Variants in INPP5D observed in about 807,000 individuals in gnomAD.
The protein encoded by INPP5D is inositol polyphosphate-5-phosphatase D.
In INPP5D, 33 loss-of-function variants were observed where a neutral mutation model predicts 122.9. The ratio of observed to expected loss-of-function variants is 0.27; its 90% confidence interval spans 0.20 to 0.36. The LOEUF is 0.36. INPP5D is among the 10% of genes least tolerant of loss of function. The pLI is 1.00. For synonymous variants in INPP5D, 584 were observed against 576.2 expected (o/e 1.01, Z -0.19); for missense variants, 1,053 against 1,412.7 (o/e 0.75, Z 4.08).
chr2:233,185,246 G>A (rs574643665), intron 20 of INPP5D, among the ~76,000 whole-genome samples: 5 of 149,296 alleles, frequency 3.3e-5, no homozygotes, highest in Non-Finnish European at 7.4e-5. Context: ...AGGAAGAAGC[G>A]TGTGCTGCCA....
chr2:233,062,208 G>C (rs530449463), intron 1 of INPP5D, among the ~76,000 whole-genome samples: 84 of 152,350 alleles, frequency 5.5e-4, no homozygotes, highest in Non-Finnish European at 1.1e-3. Context: ...GTTTGGTGTT[G>C]GCTGAGCCGA....
At chr2:233,181,745 C>G (rs1247040008) in intron 18 of INPP5D, among the ~76,000 whole-genome samples, 1 of 152,166 alleles carries the variant, frequency 6.6e-6, no homozygotes, top group Non-Finnish European at 1.5e-5. Context: ...TCTCTCCCAC[C>G]GATGAGCTGA....
At chr2:233,086,279 A>G (rs920547726) in intron 2 of INPP5D, among the ~76,000 whole-genome samples, 1 of 151,754 alleles carries the variant, frequency 6.6e-6, no homozygotes, top group Non-Finnish European at 1.5e-5. Context: ...CCTGGGTTCA[A>G]GTGATTCTCC....
rs527815534 is a variant in INPP5D at position 233,183,517 on chromosome 2, G to T, written c.2162-891G>T. 7.9e-5 allele frequency among the ~76,000 whole-genome samples: 12 copies of T among 152,266 alleles called. No homozygotes were observed. The highest frequency in any genetic ancestry group is 1.8e-4 in the Non-Finnish European group (12 of 68,010). On this transcript the variant is annotated intron_variant, in intron 19 of 26. Transcript: ENST00000445964. The surrounding 1 kb of genome is among the most constrained non-coding windows in gnomAD (Gnocchi z 4.6). ...TAGAATCTTCCTAGTCCTTAGGCAG[G>T]ACCTCTTCCCCGACTTCCACCCATC... is the stretch of plus-strand genomic sequence containing the variant.
chr2:233,201,079 G>GTC (rs571404991), intron 25 of INPP5D, among the ~76,000 whole-genome samples: 9 of 152,060 alleles, frequency 5.9e-5, no homozygotes, highest in Non-Finnish European at 8.8e-5. Flanking sequence ...CAGCTCAGCT[G>GTC]TCTCTCTCTC....
intron 2 of INPP5D, among the ~76,000 whole-genome samples, chr2:233,110,926 TA>T (rs889669630): frequency 8.4e-5 from 11 of 131,368 alleles, no homozygotes; most frequent in African/African-American, 2.0e-4. Context: ...CTCCGTCTCT[TA>T]AAAAAAAAAC....
At position 233,170,968 on chromosome 2, in the gene INPP5D, C is replaced by A; in HGVS notation, c.1901-96C>A. ...GGAGCCTTTCCAGCCATCCTTTCGT[C>A]CCCTTTCCCCTGATTTCCTACCAGA... On this transcript the variant is annotated intron_variant, in intron 16 of 26. Coordinates refer to ENST00000445964, the MANE Select transcript of INPP5D (RefSeq NM_001017915.3). This position sits in a 1 kb window ranked among gnomAD's most constrained non-coding sequence, Gnocchi z 4.5. The A allele has an allele frequency of 6.6e-7, 1 of 1,521,962 alleles. No individual in the cohort carries two copies. Among genetic ancestry groups the A allele is most frequent in the Non-Finnish European group, 8.9e-7 (1 of 1,124,634 alleles). 94.3% of individuals were successfully genotyped at this position (1,521,962 alleles called of 1,614,324 possible).
intron 9 of INPP5D, among the ~76,000 whole-genome samples, chr2:233,150,781 G>A (rs186403261): frequency 7.7e-4 from 118 of 152,328 alleles, no homozygotes; most frequent in African/African-American, 2.6e-3. Flanking sequence ...TCCAGAGGGA[G>A]GTTAGTCCCG....
rs1043709063 is a variant in INPP5D, at chr2:233,189,432, G to T, written c.2359-418G>T. Among the ~76,000 whole-genome samples, 1 of 152,186 alleles carries T rather than the reference G, an allele frequency of 6.6e-6. No individual in the cohort carries two copies. The highest frequency in any genetic ancestry group is 1.5e-5 in the Non-Finnish European group (1 of 68,022). ...CAAGGAGAAATTCTGTGCTCTGTAG[G>T]GGGAGCCTGGCGCAGGGTGGAGTGC... is the stretch of plus-strand genomic sequence containing the variant. On this transcript the variant is annotated intron_variant, in intron 21 of 26. Coordinates refer to ENST00000445964, the MANE Select transcript of INPP5D (RefSeq NM_001017915.3). The surrounding 1 kb of genome is among the most constrained non-coding windows in gnomAD (Gnocchi z 5.6).
chr2:233,165,349 TGTGA>T (rs151003600), intron 13 of INPP5D, among the ~76,000 whole-genome samples: 5,273 of 151,682 alleles, frequency 0.035, 151 homozygotes, highest in East Asian at 0.11. Context: ...TATCTATGTG[TGTGA>T]GTGTCTGTAT....
intron 3 of INPP5D, among the ~76,000 whole-genome samples, chr2:233,124,916 C>T (rs947773496): frequency 6.6e-6 from 1 of 152,248 alleles, no homozygotes; most frequent in Non-Finnish European, 1.5e-5. Context: ...CTTGAGGCAC[C>T]GCCAGACCGT....
intron 23 of INPP5D, 54 bp downstream of exon 23, chr2:233,194,015 G>C: frequency 6.6e-7 from 1 of 1,507,712 alleles, no homozygotes; most frequent in Non-Finnish European, 8.9e-7. Context: ...TTAGGGACGG[G>C]AACGTGCTTT....
chr2:233,070,145 G>A lies in INPP5D; in HGVS notation c.135-9190G>A, dbSNP rs530537911. 3.3e-5 allele frequency among the ~76,000 whole-genome samples: 5 copies of A among 152,248 alleles called. No individual in the cohort carries two copies. The South Asian group carries it at 1.0e-3, about 32-fold the overall frequency. ...GTGAATGGTCTGTTCAATTCTCTTT[G>A]CCATTTTTCTATCGAAGCTATAGTT... On this transcript the variant is annotated intron_variant, in intron 1 of 26. Coordinates refer to ENST00000445964, the MANE Select transcript of INPP5D (RefSeq NM_001017915.3).
rs894578282 is a variant in INPP5D, at chr2:233,176,293, T to A, written c.1990-972T>A. On this transcript the variant is annotated intron_variant, in intron 17 of 26. Coordinates refer to ENST00000445964, the MANE Select transcript of INPP5D (RefSeq NM_001017915.3). ...AGTAGGTAGACGGGTGTGTGAACGG[T>A]CAATGGATGAGTGGATGGGTGCGAT... 9.0e-5 allele frequency among the ~76,000 whole-genome samples: 9 copies of A among 100,382 alleles called. No homozygotes were observed. In the East Asian group the frequency reaches 2.1e-3, roughly 24 times the overall value. The allele number at this position is 100,382 out of a possible 152,430, so 65.9% of individuals were successfully genotyped here.
At chr2:233,184,168 C>T (rs1336401420) in intron 19 of INPP5D, among the ~76,000 whole-genome samples, 1 of 152,154 alleles carries the variant, frequency 6.6e-6, no homozygotes, top group Non-Finnish European at 1.5e-5. Context: ...GAGGTCCGGA[C>T]TCCTGGGACT....
At chr2:233,149,415 A>G (rs1437450467) in intron 9 of INPP5D, among the ~76,000 whole-genome samples, 2 of 152,058 alleles carry the variant, frequency 1.3e-5, no homozygotes, top group Non-Finnish European at 2.9e-5. Flanking sequence ...TTTGTTCTTA[A>G]TAAAGTCGTA....
intron 17 of INPP5D, among the ~76,000 whole-genome samples, chr2:233,175,743 C>A (rs530490216): frequency 1.3e-5 from 2 of 149,940 alleles, no homozygotes; most frequent in African/African-American, 2.5e-5. Flanking sequence ...AGTGCAGTGG[C>A]GCAATCTCAG....
At chr2:233,161,889 T>A in intron 11 of INPP5D, 63 bp downstream of exon 11, 1 of 1,553,702 alleles carries the variant, frequency 6.4e-7, no homozygotes, top group East Asian at 2.4e-5. Context: ...GACTCAGGCA[T>A]CCTCAAGGTG....
chr2:233,118,395 C>G (rs1167608504), intron 2 of INPP5D, among the ~76,000 whole-genome samples: 1 of 152,208 alleles, frequency 6.6e-6, no homozygotes, highest in African/African-American at 2.4e-5. Flanking sequence ...CCGTCTAGAC[C>G]ACGCTCCCCA....
Sources: gnomAD v4.1 joint callset for allele counts (sites outside exome capture counted in the v4.1 genomes callset) on GRCh38, gnomAD v4.1.1 for gene constraint, Gnocchi (gnomAD v3.1) non-coding constraint, MANE v1.5 for transcripts, NCBI Gene and HGNC (gene_info 2026-07-23, HGNC 2026-07-21) for gene names.